IGF1: variants seen among roughly 807,000 people sequenced by gnomAD.
The protein encoded by IGF1 is insulin-like growth factor 1.
A neutral mutation model predicts 13.8 loss-of-function variants in IGF1; 4 were observed. The ratio of observed to expected loss-of-function variants is 0.29; its 90% CI spans 0.14 to 0.66. The LOEUF is 0.66. Ranked by LOEUF, IGF1 falls within the 30% of genes least tolerant of loss-of-function variation. The pLI is 0.78. For missense variants in IGF1, 124 were observed against 188.5 expected, an observed-to-expected ratio of 0.66 and a Z score of 2.00; for synonymous variants, 76 against 72.6, an observed-to-expected ratio of 1.05 and a Z score of -0.23.
intron 2 of IGF1, among the ~76,000 whole-genome samples, chr12:102,430,695 C>T (rs981353398): frequency 5.3e-5 from 8 of 152,198 alleles, no homozygotes; most frequent in Non-Finnish European, 1.0e-4. Flanking sequence ...TCTTCTCAAA[C>T]GACTTGTTCA....
At chr12:102,459,935 C>T (rs142997224) in intron 2 of IGF1, among the ~76,000 whole-genome samples, 53 of 152,158 alleles carry the variant, frequency 3.5e-4, no homozygotes, top group Middle Eastern at 6.8e-3. Context: ...AATAGACAAG[C>T]GTATAGTTAA....
Position 102,397,089 on chromosome 12 carries a change from C to T in IGF1, c.*5418G>A. On this transcript the variant is annotated 3_prime_UTR_variant, in exon 4 of 4. Transcript: ENST00000337514. ...TAGTGGTGGGTGCCTGTAATCCCAG[C>T]TACTCAGGAGGCTGAGGCAGGAGAA... 1 of 345,866 alleles carries T rather than the reference C, an allele frequency of 2.9e-6. No homozygotes were observed. The allele number at this position is 345,866 out of a possible 1,614,324, so 21.4% of individuals were successfully genotyped here. A position where few individuals can be genotyped will look rare whatever the true frequency, so the allele number is the denominator to read the frequency against.
rs1049020777 is a variant in IGF1, at chr12:102,396,646, TA to T, written c.*5860del. 6 of 377,196 alleles carry T rather than the reference TA, an allele frequency of 1.6e-5. No homozygotes were observed. The highest frequency in any genetic ancestry group is 2.3e-5 in the Non-Finnish European group (5 of 213,384). 23.4% of individuals were successfully genotyped at this position (377,196 alleles called of 1,614,324 possible). On this transcript the variant is annotated 3_prime_UTR_variant, in exon 4 of 4. Transcript: ENST00000337514. ...TGTTTACTTTTAGGCCTCAGTAATA[TA>T]AAAAAAGGCAGATTCTAAGGATTGT...
chr12:102,460,511 A>C (rs903159801), intron 2 of IGF1, among the ~76,000 whole-genome samples: 3 of 152,222 alleles, frequency 2.0e-5, no homozygotes, highest in African/African-American at 7.2e-5. Flanking sequence ...CTAAACACAG[A>C]GCAGGTGCCC....
intron 2 of IGF1, among the ~76,000 whole-genome samples, chr12:102,436,475 C>A (rs1877228791): frequency 6.6e-6 from 1 of 152,168 alleles, no homozygotes; most frequent in Non-Finnish European, 1.5e-5. Flanking sequence ...GGAACCCAAA[C>A]CTATCCTTCC....
At chr12:102,426,588 A>G (rs1876226534) in intron 2 of IGF1, among the ~76,000 whole-genome samples, 1 of 152,230 alleles carries the variant, frequency 6.6e-6, no homozygotes, top group Non-Finnish European at 1.5e-5. Context: ...GAATAGTTTT[A>G]ATCTAGAATA....
At chr12:102,425,397 G>C (rs1253425083) in intron 2 of IGF1, among the ~76,000 whole-genome samples, 1 of 152,108 alleles carries the variant, frequency 6.6e-6, no homozygotes, top group Non-Finnish European at 1.5e-5. Context: ...ATTGGACAAG[G>C]TCATCTTTTT....
At chr12:102,428,093 A>G (rs569471209) in intron 2 of IGF1, among the ~76,000 whole-genome samples, 1 of 151,588 alleles carries the variant, frequency 6.6e-6, no homozygotes, top group Admixed American at 6.6e-5. Context: ...CTCTGTGTGG[A>G]TGCACAAGTC....
At position 102,441,906 on chromosome 12, in the gene IGF1, G is replaced by GCTGCTTCTTCTTCTTCTT; in HGVS notation, c.221-22217_221-22216insAAGAAGAAGAAGAAGCAG. 9.8e-4 allele frequency among the ~76,000 whole-genome samples: 98 copies of GCTGCTTCTTCTTCTTCTT among 100,316 alleles called. 3 individuals carry two copies. Among genetic ancestry groups the GCTGCTTCTTCTTCTTCTT allele is most frequent in the Non-Finnish European group, 1.5e-3 (72 of 48,386 alleles). The allele number at this position is 100,316 out of a possible 152,430, so 65.8% of individuals were successfully genotyped here. A position where few individuals can be genotyped will look rare whatever the true frequency, so the allele number is the denominator to read the frequency against. ...GAGCACTAAGTCATTCTATTACACT[G>GCTGCTTCTTCTTCTTCTT]CTTCTTCTCCTTCTTCTTCTTCTTC... On this transcript the variant is annotated intron_variant, in intron 2 of 3. Transcript: ENST00000337514.
intron 2 of IGF1, among the ~76,000 whole-genome samples, chr12:102,424,122 GT>G (rs1875992537): frequency 6.6e-6 from 1 of 152,038 alleles, no homozygotes; most frequent in African/African-American, 2.4e-5. Context: ...AAACGCAAAC[GT>G]TTTCAAGTTG....
At chr12:102,436,030 C>T (rs1818051369) in intron 2 of IGF1, among the ~76,000 whole-genome samples, 1 of 152,236 alleles carries the variant, frequency 6.6e-6, no homozygotes, top group South Asian at 2.1e-4. Context: ...TACTTTCTTA[C>T]ACAGAAAGCC....
intron 3 of IGF1, among the ~76,000 whole-genome samples, chr12:102,415,324 T>A (rs1237020495): frequency 6.6e-6 from 1 of 152,052 alleles, no homozygotes; most frequent in Non-Finnish European, 1.5e-5. Flanking sequence ...ATGCCATGTA[T>A]CACTAGAGGC....
At chr12:102,416,956 A>C (rs984592447) in intron 3 of IGF1, among the ~76,000 whole-genome samples, 16 of 152,176 alleles carry the variant, frequency 1.1e-4, no homozygotes, top group Admixed American at 7.2e-4. Flanking sequence ...ATGTTTAGAC[A>C]CAGAGATATG....
chr12:102,448,899 C>G (rs1259605233), intron 2 of IGF1, among the ~76,000 whole-genome samples: 2 of 152,084 alleles, frequency 1.3e-5, no homozygotes, highest in African/African-American at 4.8e-5. Flanking sequence ...CAGGAAACAA[C>G]AGATGCTGGA....
chr12:102,431,442 C>A (rs529355658), intron 2 of IGF1, among the ~76,000 whole-genome samples: 1 of 152,188 alleles, frequency 6.6e-6, no homozygotes, highest in South Asian at 2.1e-4. Flanking sequence ...TTGAGTGCTT[C>A]CTACTAAGCT....
chr12:102,444,549 G>A (rs1238995613), intron 2 of IGF1, among the ~76,000 whole-genome samples: 1 of 151,998 alleles, frequency 6.6e-6, no homozygotes, highest in Non-Finnish European at 1.5e-5. Context: ...TGTCTACTAT[G>A]TGCCAGGAAT....
intron 2 of IGF1, among the ~76,000 whole-genome samples, chr12:102,451,246 C>T (rs1447406375): frequency 6.6e-6 from 1 of 152,220 alleles, no homozygotes; most frequent in Non-Finnish European, 1.5e-5. Flanking sequence ...ACCTGTAACT[C>T]TTTGATGCAT....
At chr12:102,417,598 C>G in intron 3 of IGF1, 2 of 1,226,224 alleles carry the variant, frequency 1.6e-6, no homozygotes. Context: ...TTGCCACTGT[C>G]TTTCTTTGCG....
At chr12:102,452,002 C>G (rs1480818090) in intron 2 of IGF1, among the ~76,000 whole-genome samples, 1 of 152,144 alleles carries the variant, frequency 6.6e-6, no homozygotes, top group East Asian at 1.9e-4. Flanking sequence ...GTGGCTCACG[C>G]CTGTAATCCC....
Sources: gnomAD v4.1 joint callset for allele counts (sites outside exome capture counted in the v4.1 genomes callset) on GRCh38, gnomAD v4.1.1 for gene constraint, MANE v1.5 for transcripts, NCBI Gene and HGNC (gene_info 2026-07-23, HGNC 2026-07-21) for gene names.